HAAO: variants seen among roughly 807,000 people sequenced by gnomAD.
HAAO encodes 3-hydroxyanthranilate oxygenase.
Under a neutral mutation model 46.2 loss-of-function variants are expected in HAAO, and 49 were observed. The ratio of observed to expected loss-of-function variants is 1.06; its 90% CI spans 0.84 to 1.34. HAAO has a LOEUF of 1.34. Ranked by LOEUF, HAAO falls within the 40% of genes most tolerant of loss-of-function variation. The pLI is 0.00. For missense variants in HAAO, 408 were observed against 364.5 expected (o/e 1.12, Z -0.97); for synonymous variants, 157 against 145.2 (o/e 1.08, Z -0.58).
rs138132343 is a variant in HAAO at position 42,790,174 on chromosome 2, C to T, written c.81-1567G>A. On this transcript the variant is annotated intron_variant, in intron 1 of 9. Coordinates refer to ENST00000294973, the MANE Select transcript of HAAO (RefSeq NM_012205.3). Reference sequence around the variant, plus strand: ...CCAGCTGGGAGGCATGGAGGCAAGACGGAAGAGCCAGTCTCTTTCCTTTTC... The same window carrying T: ...CCAGCTGGGAGGCATGGAGGCAAGATGGAAGAGCCAGTCTCTTTCCTTTTC... 2.0e-4 allele frequency among the ~76,000 whole-genome samples: 30 copies of T among 152,224 alleles called. No homozygotes were observed. The South Asian group carries it at 5.0e-3, about 25-fold the overall frequency.
intron 4 of HAAO, among the ~76,000 whole-genome samples, chr2:42,780,211 ATT>A (rs58338551): frequency 2.2e-5 from 3 of 137,730 alleles, no homozygotes; most frequent in African/African-American, 2.7e-5. Context: ...TTTTTTTTTA[ATT>A]TTTTTTTTTT....
intron 4 of HAAO, among the ~76,000 whole-genome samples, chr2:42,775,055 T>A (rs556264052): frequency 3.9e-5 from 6 of 152,248 alleles, no homozygotes; most frequent in African/African-American, 1.4e-4. Flanking sequence ...CAGACTAGCC[T>A]GACCAACGTG....
chr2:42,777,633 A>G (rs1214493210), intron 4 of HAAO, among the ~76,000 whole-genome samples: 1 of 152,202 alleles, frequency 6.6e-6, no homozygotes, highest in African/African-American at 2.4e-5. Flanking sequence ...AATAATGACA[A>G]TCACAATTTT....
At chr2:42,787,432 T>C (rs1672470075) in intron 2 of HAAO, among the ~76,000 whole-genome samples, 1 of 152,154 alleles carries the variant, frequency 6.6e-6, no homozygotes, top group Non-Finnish European at 1.5e-5. Context: ...AGTATAGTTT[T>C]AGATTTTCCT....
At chr2:42,778,496 A>AT (rs1466092491) in intron 4 of HAAO, among the ~76,000 whole-genome samples, 1 of 151,972 alleles carries the variant, frequency 6.6e-6, no homozygotes, top group Non-Finnish European at 1.5e-5. Context: ...TGCCCAGCTA[A>AT]TTTTTTGTAT....
intron 2 of HAAO, among the ~76,000 whole-genome samples, chr2:42,785,005 G>A (rs546460747): frequency 6.6e-6 from 1 of 152,212 alleles, no homozygotes; most frequent in African/African-American, 2.4e-5. Context: ...AGACATACCT[G>A]CCTAGTGGTG....
rs543061125 is a variant in HAAO, at chr2:42,769,547, G to A, written c.630+166C>T. On this transcript the variant is annotated intron_variant, in intron 7 of 9. Transcript: ENST00000294973. ...TCAGGGAGGGAGCACAAAGGCCTAT[G>A]CTCATGTCTACAACCTCTGAAATGT... is the stretch of plus-strand genomic sequence containing the variant. Among the ~76,000 whole-genome samples, 7 of 151,952 alleles carry A rather than the reference G, an allele frequency of 4.6e-5. No individual in the cohort carries two copies. In the East Asian group the frequency reaches 1.4e-3, roughly 29 times the overall value.
intron 5 of HAAO, 150 bp downstream of exon 5, chr2:42,770,342 GC>G: frequency 1.1e-6 from 1 of 870,188 alleles, no homozygotes; most frequent in South Asian, 1.6e-5. Flanking sequence ...TTCCCTCCCA[GC>G]GGGGCTGCTG....
At chr2:42,770,810 T>C (rs55802110) in intron 4 of HAAO, among the ~76,000 whole-genome samples, 62,275 of 151,806 alleles carry the variant, frequency 0.41, 13,367 homozygotes, top group African/African-American at 0.51. Flanking sequence ...CTCTCTCCGG[T>C]TCCCAAAACT....
intron 7 of HAAO, 98 bp from the exon 8 acceptor site, chr2:42,768,026 G>T: frequency 9.4e-7 from 1 of 1,061,002 alleles, no homozygotes; most frequent in Non-Finnish European, 1.4e-6. Flanking sequence ...TTGGAGCAGG[G>T]TTGGGGCCCA....
intron 7 of HAAO, 107 bp downstream of exon 7, chr2:42,769,606 A>AGT (rs1368882960): frequency 1.4e-5 from 9 of 660,644 alleles, no homozygotes; most frequent in East Asian, 6.0e-5. Context: ...TGTGTGTGTG[A>AGT]GTGTGTGTGT....
intron 8 of HAAO, 71 bp from the exon 9 acceptor site, chr2:42,767,748 G>A: frequency 3.9e-6 from 6 of 1,539,612 alleles, no homozygotes; most frequent in Non-Finnish European, 5.4e-6. Context: ...GTCTGAGTCT[G>A]CCTGGGCCCC....
rs745790505 is a variant in HAAO at position 42,767,592 on chromosome 2, C to T, written c.782+3G>A. The T allele has an allele frequency of 9.5e-6, 15 of 1,576,974 alleles. No individual in the cohort carries two copies. Among genetic ancestry groups the T allele is most frequent in the Non-Finnish European group, 1.2e-5 (14 of 1,160,654 alleles). On this transcript the variant is annotated splice_donor_region_variant and intron_variant, in intron 9 of 9. Transcript: ENST00000294973. Reference sequence around the variant, plus strand: ...CCAGGGAAAGCCCTCCCTGCGTACTCACGAGGTCCCAGCTAGCACCAGGAG... The same window carrying T: ...CCAGGGAAAGCCCTCCCTGCGTACTTACGAGGTCCCAGCTAGCACCAGGAG...
At chr2:42,787,596 T>A (rs1429615510) in intron 2 of HAAO, among the ~76,000 whole-genome samples, 2 of 152,086 alleles carry the variant, frequency 1.3e-5, no homozygotes, top group African/African-American at 4.8e-5. Context: ...CAGCCTTGGG[T>A]GTCCCAGTGC....
Position 42,767,649 on chromosome 2 carries a change from C to A in HAAO, c.728G>T (p.Gly243Val). 1 of 1,568,582 alleles carries A rather than the reference C, an allele frequency of 6.4e-7. No homozygotes were observed. The highest frequency in any genetic ancestry group is 8.7e-7 in the Non-Finnish European group (1 of 1,155,936). The change falls in exon 9 of 10, where the codon GGA (glycine) becomes GTA (valine). Residue 243 changes from glycine to valine, a missense_variant. Coordinates refer to ENST00000294973, the MANE Select transcript of HAAO (RefSeq NM_012205.3). Reference sequence around the variant, plus strand: ...ATCAGGGGCCAGGCTCAGGCGCCGTCCCCCCATTGTCACCACCGAGGAGCC... The same window carrying A: ...ATCAGGGGCCAGGCTCAGGCGCCGTACCCCCATTGTCACCACCGAGGAGCC... ...LEGSSVVTMG[G>V]RRLSLAPDDS...
At chr2:42,770,652 C>T in intron 4 of HAAO, 70 bp from the exon 5 acceptor site, 1 of 946,538 alleles carries the variant, frequency 1.1e-6, no homozygotes, top group Non-Finnish European at 1.6e-6. Context: ...CCACTCAGGC[C>T]TGGCTCTGCT....
intron 4 of HAAO, among the ~76,000 whole-genome samples, chr2:42,771,282 G>A (rs1671094598): frequency 6.6e-6 from 1 of 151,762 alleles, no homozygotes; most frequent in Non-Finnish European, 1.5e-5. Context: ...AAAAAAAATA[G>A]CCAGGCATGC....
intron 4 of HAAO, among the ~76,000 whole-genome samples, chr2:42,776,771 G>A (rs988896917): frequency 2.7e-5 from 4 of 150,550 alleles, no homozygotes; most frequent in Non-Finnish European, 5.9e-5. Context: ...AGCTGGGATT[G>A]CAGGCGCCTG....
intron 4 of HAAO, among the ~76,000 whole-genome samples, chr2:42,774,356 C>G (rs1671380075): frequency 6.6e-6 from 1 of 152,198 alleles, no homozygotes; most frequent in South Asian, 2.1e-4. Context: ...TGCTTGGTAC[C>G]CGCGTGAGCT....
Sources: allele counts gnomAD v4.1 joint callset (sites outside exome capture counted in the v4.1 genomes callset), GRCh38; gene constraint gnomAD v4.1.1; transcripts MANE v1.5; gene names NCBI Gene and HGNC (gene_info 2026-07-23, HGNC 2026-07-21).